KLC1: variants seen among roughly 807,000 people sequenced by gnomAD.
KLC1 encodes the protein kinesin 2 60/70kDa.
Under a neutral mutation model 84.2 loss-of-function variants are expected in KLC1, and 30 were observed. The ratio of observed to expected loss-of-function variants is 0.36; its 90% CI spans 0.27 to 0.48. The LOEUF (loss-of-function observed/expected upper bound fraction) is 0.48, where lower values mean the gene tolerates loss of function less well. Among genes scored for constraint, KLC1 ranks in the 20% least tolerant of loss-of-function variants. The pLI is 0.99. For missense variants in KLC1, 499 were observed against 805.4 expected, an observed-to-expected ratio of 0.62 and a Z score of 4.60; for synonymous variants, 289 against 293.3, an observed-to-expected ratio of 0.99 and a Z score of 0.15.
intron 13 of KLC1, among the ~76,000 whole-genome samples, chr14:103,681,718 A>G (rs1310713998): frequency 2.6e-5 from 4 of 152,142 alleles, no homozygotes; most frequent in Non-Finnish European, 5.9e-5. Context: ...CGGCCTCCCA[A>G]AGTGCTGGGA....
intron 15 of KLC1, chr14:103,700,179 G>T (rs898272921): frequency 5.0e-6 from 1 of 200,170 alleles, no homozygotes; most frequent in African/African-American, 2.3e-5. Flanking sequence ...TGGGGCTGTA[G>T]GTTGAGACAC....
At chr14:103,635,297 G>T (rs1237643656) in intron 1 of KLC1, among the ~76,000 whole-genome samples, 1 of 152,140 alleles carries the variant, frequency 6.6e-6, no homozygotes, top group African/African-American at 2.4e-5. Context: ...TACTAAAACT[G>T]ATCAGAGTGA....
intron 1 of KLC1, among the ~76,000 whole-genome samples, chr14:103,638,354 T>C (rs1390060197): frequency 1.3e-5 from 2 of 152,216 alleles, no homozygotes; most frequent in Non-Finnish European, 2.9e-5. Context: ...TATTGCTTTT[T>C]CTACCACATT....
In KLC1 at chr14:103,670,296, G is replaced by C. The variant is rs12590968; in HGVS notation, c.987+13G>C. ...AATCCGAGAAAAGGTACAAAAGAAG[G>C]GGGCAGTCGTTTTCTTTGAGATTTT... On this transcript the variant is annotated intron_variant, in intron 7 of 16. Transcript: ENST00000334553. 492,578 of 1,582,734 alleles carry C rather than the reference G, an allele frequency of 0.31. 79,738 individuals carry two copies. Among genetic ancestry groups the C allele is most frequent in the East Asian group, 0.33 (14,690 of 44,572 alleles).
chr14:103,684,778 G>A, intron 13 of KLC1: 1 of 569,120 alleles, frequency 1.8e-6, no homozygotes, highest in Non-Finnish European at 3.2e-6. Context: ...TGAATCTTCT[G>A]TGTTCTGCCA....
At chr14:103,684,925 T>C in intron 13 of KLC1, 1 of 754,348 alleles carries the variant, frequency 1.3e-6, no homozygotes, top group South Asian at 1.5e-5. Context: ...AAACTTATGT[T>C]TTCTTGTCCT....
In KLC1 at chr14:103,654,919, G is replaced by T. The variant is rs1470285470; in HGVS notation, c.261+94G>T. ...AGCAGTTTCACTAAAGAAGAGGAAAGATGATTATAGAATAACAGATCCAGG... is the reference window on the plus strand; with the variant it reads ...AGCAGTTTCACTAAAGAAGAGGAAATATGATTATAGAATAACAGATCCAGG... On this transcript the variant is annotated intron_variant, in intron 2 of 16. Coordinates refer to ENST00000334553, the MANE Select transcript of KLC1 (RefSeq NM_001394837.1). 3 of 1,373,180 alleles carry T rather than the reference G, an allele frequency of 2.2e-6. No homozygotes were observed. The Admixed American group carries it at 6.6e-5, about 30-fold the overall frequency. 85.1% of individuals were successfully genotyped at this position (1,373,180 alleles called of 1,614,324 possible).
chr14:103,687,451 A>C lies in KLC1; in HGVS notation c.1781+240A>C, dbSNP rs186354057. On this transcript the variant is annotated intron_variant, in intron 14 of 16. Coordinates refer to ENST00000334553, the MANE Select transcript of KLC1 (RefSeq NM_001394837.1). ...GAATACCTTTAAAAGAAATTTATGGAATTTTTTGATTCTGTCACATGTTCT... is the reference window on the plus strand; with the variant it reads ...GAATACCTTTAAAAGAAATTTATGGCATTTTTTGATTCTGTCACATGTTCT... 101 of 192,044 alleles carry C rather than the reference A, an allele frequency of 5.3e-4. 1 individual carries two copies. Among genetic ancestry groups the C allele is most frequent in the African/African-American group, 2.2e-3 (94 of 43,092 alleles). The allele number at this position is 192,044 out of a possible 1,614,324, so 11.9% of individuals were successfully genotyped here. A position where few individuals can be genotyped will look rare whatever the true frequency, so the allele number is the denominator to read the frequency against.
At chr14:103,677,049 G>T (rs1331605377) in intron 11 of KLC1, among the ~76,000 whole-genome samples, 1 of 152,150 alleles carries the variant, frequency 6.6e-6, no homozygotes, top group South Asian at 2.1e-4. Flanking sequence ...AGCACTGTTC[G>T]TCGTTACTGT....
chr14:103,631,540 A>G (rs983670681), intron 1 of KLC1, among the ~76,000 whole-genome samples: 1 of 152,230 alleles, frequency 6.6e-6, no homozygotes, highest in Non-Finnish European at 1.5e-5. Context: ...AGTGAAATGT[A>G]TGATTAGTAT....
At chr14:103,695,152 G>T in intron 15 of KLC1, 2 of 932,290 alleles carry the variant, frequency 2.1e-6, no homozygotes, top group Non-Finnish European at 2.5e-6. Context: ...AAGAAAAAAT[G>T]TTAAATTATA....
chr14:103,655,539 T>C (rs1047972824), intron 2 of KLC1, among the ~76,000 whole-genome samples: 7 of 151,944 alleles, frequency 4.6e-5, no homozygotes, highest in Non-Finnish European at 1.0e-4. Flanking sequence ...CAACCTCACG[T>C]GATCCACCTG....
chr14:103,659,497 C>G (rs1277307922), intron 3 of KLC1, among the ~76,000 whole-genome samples: 3 of 152,218 alleles, frequency 2.0e-5, no homozygotes, highest in African/African-American at 7.2e-5. Context: ...CAACACTTTA[C>G]TGTTAACTGA....
At position 103,630,975 on chromosome 14, in the gene KLC1, C is replaced by G. The variant is rs139696626; in HGVS notation, c.-2+1481C>G. 9.1e-4 allele frequency among the ~76,000 whole-genome samples: 139 copies of G among 152,252 alleles called. 2 individuals carry two copies. In the East Asian group the frequency reaches 0.024, roughly 27 times the overall value. On this transcript the variant is annotated intron_variant, in intron 1 of 16. Coordinates refer to ENST00000334553, the MANE Select transcript of KLC1 (RefSeq NM_001394837.1). ...GAAAAGCATCCAGACATGCACAGGA[C>G]TCTGGACAGCGTTTATCTCCAGCAA...
rs758681444 is a variant in KLC1, at chr14:103,670,206, G to T, written c.910G>T (p.Ala304Ser). The T allele has an allele frequency of 6.2e-7, 1 of 1,613,252 alleles. No individual in the cohort carries two copies. The highest frequency in any genetic ancestry group is 8.5e-7 in the Non-Finnish European group (1 of 1,179,506). Residue 304 changes from alanine to serine, a missense_variant, in exon 7 of 17, where the codon GCA (alanine) becomes TCA (serine). Coordinates refer to ENST00000334553, the MANE Select transcript of KLC1 (RefSeq NM_001394837.1). ...GGTGGCGGCGACTTTGAATAACCTT[G>T]CAGTCCTTTATGGTAAAAGAGGGAA... The part of the protein sequence containing the change: ...PAVAATLNNL[A>S]VLYGKRGKYK...
chr14:103,652,677 A>G (rs1410495308), intron 1 of KLC1, among the ~76,000 whole-genome samples: 1 of 152,088 alleles, frequency 6.6e-6, no homozygotes, highest in African/African-American at 2.4e-5. Context: ...TTTTTAGTAG[A>G]GACGGGGGTT....
At chr14:103,698,014 CG>C (rs1567046041) in intron 15 of KLC1, 1 of 152,608 alleles carries the variant, frequency 6.6e-6, no homozygotes, top group Non-Finnish European at 1.5e-5. Context: ...CTCTCAACCT[CG>C]GATCCTCTTT....
intron 1 of KLC1, among the ~76,000 whole-genome samples, chr14:103,648,599 A>C (rs144285797): frequency 3.9e-5 from 6 of 152,100 alleles, no homozygotes; most frequent in African/African-American, 1.4e-4. Context: ...CCTCGGCAAC[A>C]TGGCAAGACC....
intron 3 of KLC1, among the ~76,000 whole-genome samples, chr14:103,660,784 C>G (rs1335161467): frequency 1.3e-5 from 2 of 151,698 alleles, no homozygotes; most frequent in South Asian, 2.1e-4. Flanking sequence ...GAGGGAGACC[C>G]TGTCTCAGAA....
Sources: gnomAD v4.1 joint callset for allele counts (sites outside exome capture counted in the v4.1 genomes callset) on GRCh38, gnomAD v4.1.1 for gene constraint, MANE v1.5 for transcripts, NCBI Gene and HGNC (gene_info 2026-07-23, HGNC 2026-07-21) for gene names.